The following RBPMS variants were observed in gnomAD, a reference collection of about 807,000 sequenced individuals.
RBPMS encodes the protein RNA binding protein, mRNA processing factor.
In RBPMS, 7 loss-of-function variants were observed where a neutral mutation model predicts 26.8. The ratio of observed to expected loss-of-function variants is 0.26; its 90% CI spans 0.15 to 0.49. The LOEUF (loss-of-function observed/expected upper bound fraction) is 0.49. Among genes scored for constraint, RBPMS ranks in the 20% least tolerant of loss-of-function variants. The pLI is 0.98. For synonymous variants in RBPMS, 96 were observed against 93.3 expected (o/e 1.03, Z -0.17); for missense variants, 186 against 250.0 (o/e 0.74, Z 1.73).
At chr8:30,519,458 CTTTTTTTTTTT>C (rs36017963) in intron 5 of RBPMS, among the ~76,000 whole-genome samples, 908 of 89,498 alleles carry the variant, frequency 0.01, 111 homozygotes, top group Non-Finnish European at 0.01. Context: ...GGATCTCTCT[CTTTTTTTTTTT>C]TTTTTTTTTT....
At chr8:30,472,651 A>G (rs1182554289) in intron 1 of RBPMS, among the ~76,000 whole-genome samples, 4 of 152,266 alleles carry the variant, frequency 2.6e-5, no homozygotes. Context: ...TATTTACATC[A>G]TTATAGTGTT....
chr8:30,561,534 A>G (rs1827483583), intron 7 of RBPMS, among the ~76,000 whole-genome samples: 1 of 152,200 alleles, frequency 6.6e-6, no homozygotes, highest in Non-Finnish European at 1.5e-5. Context: ...GGCTTGAAAC[A>G]CTGACCTGAC....
intron 4 of RBPMS, among the ~76,000 whole-genome samples, chr8:30,487,966 G>T (rs1232775859): frequency 2.6e-5 from 4 of 151,882 alleles, no homozygotes; most frequent in African/African-American, 9.7e-5. Flanking sequence ...TGGCCATTGT[G>T]CGGCAAGTTA....
intron 5 of RBPMS, among the ~76,000 whole-genome samples, chr8:30,527,933 C>T (rs562147617): frequency 6.6e-6 from 1 of 152,228 alleles, no homozygotes; most frequent in East Asian, 1.9e-4. Context: ...CCCAGCACTT[C>T]GGGAAGCCAA....
At chr8:30,495,247 T>C (rs1390994376) in intron 4 of RBPMS, among the ~76,000 whole-genome samples, 1 of 152,096 alleles carries the variant, frequency 6.6e-6, no homozygotes, top group Non-Finnish European at 1.5e-5. Context: ...TATTGCGTTT[T>C]ATGGAACATC....
intron 1 of RBPMS, among the ~76,000 whole-genome samples, chr8:30,417,749 AT>A (rs1469184980): frequency 6.6e-6 from 1 of 151,758 alleles, no homozygotes; most frequent in Admixed American, 6.6e-5. Context: ...TAGAACTTCC[AT>A]GTTAGTATGT....
At chr8:30,455,671 C>T (rs1249457440) in intron 1 of RBPMS, among the ~76,000 whole-genome samples, 1 of 151,978 alleles carries the variant, frequency 6.6e-6, no homozygotes, top group Admixed American at 6.6e-5. Flanking sequence ...GGGTGGATCA[C>T]GAGGTCAGGA....
intron 6 of RBPMS, among the ~76,000 whole-genome samples, chr8:30,547,694 T>G (rs2151057983): frequency 6.6e-6 from 1 of 152,340 alleles, no homozygotes; most frequent in South Asian, 2.1e-4. Context: ...GCCACACTGC[T>G]GCTGCTTGTC....
chr8:30,431,801 A>G (rs1811968234), intron 1 of RBPMS, among the ~76,000 whole-genome samples: 1 of 152,096 alleles, frequency 6.6e-6, no homozygotes, highest in Non-Finnish European at 1.5e-5. Flanking sequence ...TGATTATACA[A>G]GTCTGCTATG....
At chr8:30,546,336 A>G (rs1464974953) in intron 6 of RBPMS, among the ~76,000 whole-genome samples, 1 of 152,210 alleles carries the variant, frequency 6.6e-6, no homozygotes, top group Non-Finnish European at 1.5e-5. Flanking sequence ...TGGATAATCA[A>G]GAGTTGACAA....
chr8:30,432,188 AATCTCTT>A (rs1239816380), intron 1 of RBPMS, among the ~76,000 whole-genome samples: 1 of 152,136 alleles, frequency 6.6e-6, no homozygotes, highest in Non-Finnish European at 1.5e-5. Flanking sequence ...TGAACCAACC[AATCTCTT>A]ACTTATTAAC....
chr8:30,546,890 C>G (rs1825908460), intron 6 of RBPMS, among the ~76,000 whole-genome samples: 1 of 152,216 alleles, frequency 6.6e-6, no homozygotes, highest in Admixed American at 6.5e-5. Context: ...TCTGAAGGGG[C>G]TCTACCATGA....
chr8:30,526,543 GAAGGC>G (rs1382974056), intron 5 of RBPMS, among the ~76,000 whole-genome samples: 1 of 152,138 alleles, frequency 6.6e-6, no homozygotes, highest in Non-Finnish European at 1.5e-5. Context: ...TTATTTTACT[GAAGGC>G]TGGGAAGCCC....
At chr8:30,501,462 C>G (rs1820549921) in intron 4 of RBPMS, among the ~76,000 whole-genome samples, 1 of 151,708 alleles carries the variant, frequency 6.6e-6, no homozygotes, top group Non-Finnish European at 1.5e-5. Context: ...CAGCAGTGTC[C>G]TTTTAAAGAT....
At chr8:30,556,762 GTGGAT>G (rs1826958679) in intron 6 of RBPMS, 1 of 985,910 alleles carries the variant, frequency 1.0e-6, no homozygotes, top group Non-Finnish European at 1.2e-6. Context: ...TAGTGAGCAA[GTGGAT>G]TCAGATGCAC....
chr8:30,545,005 G>T (rs1825755123), intron 6 of RBPMS: 3 of 1,445,706 alleles, frequency 2.1e-6, no homozygotes, highest in Non-Finnish European at 2.7e-6. Context: ...AGGAGAAGGG[G>T]ATATGTGCGT....
intron 8 of RBPMS, among the ~76,000 whole-genome samples, chr8:30,566,669 G>A (rs1171525342): frequency 6.6e-6 from 1 of 152,208 alleles, no homozygotes. Context: ...ATTCCACCTA[G>A]GGAAATGTTA....
At chr8:30,525,915 G>A (rs1203107203) in intron 5 of RBPMS, among the ~76,000 whole-genome samples, 1 of 152,240 alleles carries the variant, frequency 6.6e-6, no homozygotes, top group African/African-American at 2.4e-5. Context: ...TATACAGTGT[G>A]TGAAAGAATT....
intron 1 of RBPMS, among the ~76,000 whole-genome samples, chr8:30,436,589 A>AG (rs1225783271): frequency 6.6e-6 from 1 of 152,150 alleles, no homozygotes; most frequent in East Asian, 1.9e-4. Flanking sequence ...GTTCTATGCA[A>AG]GAACAGGGGA....
Sources: allele counts gnomAD v4.1 joint callset (sites outside exome capture counted in the v4.1 genomes callset), GRCh38; gene constraint gnomAD v4.1.1; transcripts MANE v1.5; gene names NCBI Gene and HGNC (gene_info 2026-07-23, HGNC 2026-07-21).